The following TTN variants were observed in gnomAD, a reference collection of about 807,000 sequenced individuals.
TTN encodes titin.
In TTN, 1,525 loss-of-function variants were observed where a neutral mutation model predicts 3,223.0. That is an observed-to-expected ratio of 0.47 (90% CI 0.45 to 0.49). TTN has a LOEUF of 0.49. Among genes scored for constraint, TTN ranks in the 20% least tolerant of loss-of-function variants. The pLI, the probability that TTN is intolerant of heterozygous loss-of-function variation, is 0.00. For synonymous variants in TTN, 14,094 were observed against 15,161.0 expected (o/e 0.93, Z 5.17); for missense variants, 40,786 against 43,424.0 (o/e 0.94, Z 5.40).
rs775071824 is a variant in TTN, at chr2:178,782,200, C to A, written c.3380+12G>T. 4.0e-5 allele frequency: 64 copies of A among 1,613,800 alleles called. No individual in the cohort carries two copies. The highest frequency in any genetic ancestry group is 5.2e-5 in the Non-Finnish European group (61 of 1,179,842). ...AAGTCACAGAGAACTCTATATTCAG[C>A]CATCAAAATACCTGTATCCAGTGGT... On this transcript the variant is annotated intron_variant, in intron 20 of 362. Transcript: ENST00000589042.
At position 178,561,732 on chromosome 2, in the gene TTN, G is replaced by A. The variant is rs771002170; in HGVS notation, c.84400C>T (p.Arg28134Cys). The A allele has an allele frequency of 1.7e-5, 27 of 1,612,236 alleles. No individual in the cohort carries two copies. Among genetic ancestry groups the A allele is most frequent in the Admixed American group, 1.5e-4 (9 of 59,876 alleles). ...EYQFRVCAEN[R>C]YGKSSYSESS... ...TCACTGTAGGAGCTCTTTCCATAGC[G>A]GTTTTCTGCACAAACACGGAACTGA... is the stretch of plus-strand genomic sequence containing the variant. Residue 28134 changes from arginine (R) to cysteine (C), a missense_variant, in exon 326 of 363, where the codon CGC (arginine) becomes TGC (cysteine). Arg to Cys is a radical substitution (Grantham distance 180, BLOSUM62 -3). Transcript: ENST00000589042.
Position 178,720,856 on chromosome 2 carries a change from C to G in TTN, c.23098+65G>C, listed in dbSNP as rs185356914. The G allele has an allele frequency of 1.4e-4, 206 of 1,497,212 alleles. No homozygotes were observed. In the African/African-American group the frequency reaches 2.7e-3, roughly 20 times the overall value. 92.7% of individuals were successfully genotyped at this position (1,497,212 alleles called of 1,614,324 possible). A position where few individuals can be genotyped will look rare whatever the true frequency, so the allele number is the denominator to read the frequency against. On this transcript the variant is annotated intron_variant, in intron 79 of 362. Transcript: ENST00000589042. The stretch of plus-strand genomic sequence containing the variant: ...TTAATTATCCTTTTATTTTGGAACT[C>G]ATAACTTTGCTAAGAGCCCAAATCA...
chr2:178,764,385 T>G, intron 42 of TTN, 83 bp from the exon 43 acceptor site: 1 of 1,612,262 alleles, frequency 6.2e-7, no homozygotes. Context: ...TTATCTTAAT[T>G]TATTTCACTG....
chr2:178,615,899 G>T, intron 257 of TTN, 111 bp from the exon 258 acceptor site: 1 of 1,188,152 alleles, frequency 8.4e-7, no homozygotes, highest in Non-Finnish European at 1.1e-6. Flanking sequence ...GAATGCTAGG[G>T]ATTATTCTTA....
chr2:178,582,028 G>A lies in TTN; in HGVS notation c.66341C>T (p.Thr22114Ile), dbSNP rs1575927090. 1.9e-6 allele frequency: 3 copies of A among 1,613,296 alleles called. No homozygotes were observed. The East Asian group carries it at 6.7e-5, about 36-fold the overall frequency. The change falls in exon 315 of 363, where the codon ACA becomes ATA. Residue 22114 changes from threonine to isoleucine, a missense_variant. Transcript: ENST00000589042. ...TTCTTGAAGACCTGTTGCTTTTAAT[G>A]TTCTTTCTATAATAGGTTTTCTGTT... ...KVNRKPIIERTLKATGLQEGT... is the reference protein window; with the variant it reads ...KVNRKPIIERILKATGLQEGT...
In TTN at chr2:178,545,667, C is replaced by T. The variant is rs779953291; in HGVS notation, c.95443G>A (p.Glu31815Lys). 1.9e-6 allele frequency: 3 copies of T among 1,613,552 alleles called. No individual in the cohort carries two copies. Among genetic ancestry groups the T allele is most frequent in the South Asian group, 1.1e-5 (1 of 91,048 alleles). ...TGCTCTTTGCCAGTCCCAACTTCTT[C>T]AGGTATGCCGGGTGGTGATGGAATA... ...FTIPSPPGIP[E>K]EVGTGKEHII... The change falls in exon 344 of 363, where the codon GAA becomes AAA. Residue 31815 changes from glutamate to lysine, a missense_variant. Transcript: ENST00000589042.
chr2:178,589,008 G>C lies in TTN; in HGVS notation c.62717C>G (p.Thr20906Arg), dbSNP rs1386139408. Residue 20906 changes from threonine (T) to arginine (R), a missense_variant, in exon 304 of 363, where the codon ACA becomes AGA. Coordinates refer to ENST00000589042, the MANE Select transcript of TTN (RefSeq NM_001267550.2). ...ATAGGTAGACCAAACCATTCGCTTT[G>C]TCTCACATTTTTCTAGAATATAATT... ...IQNYILEKCE[T>R]KRMVWSTYSA... 1 of 1,611,288 alleles carries C rather than the reference G, an allele frequency of 6.2e-7. No individual in the cohort carries two copies. Among genetic ancestry groups the C allele is most frequent in the Non-Finnish European group, 8.5e-7 (1 of 1,179,358 alleles).
rs376586779 is a variant in TTN at position 178,572,821 on chromosome 2, A to G, written c.73311T>C (p.Val24437=). 1.9e-6 allele frequency: 3 copies of G among 1,613,230 alleles called. No individual in the cohort carries two copies. Among genetic ancestry groups the G allele is most frequent in the African/African-American group, 1.3e-5 (1 of 74,852 alleles). ...EIELDADLRK[V]VTIRACCTLR... ...GGGTGCAGCAGGCCCTTATAGTAAC[A>G]ACTTTGCGCAGGTCAGCATCCAGTT... is the stretch of plus-strand genomic sequence containing the variant. Residue 24437 remains valine, a synonymous_variant, in exon 326 of 363, where the codon GTT becomes GTC. Coordinates refer to ENST00000589042, the MANE Select transcript of TTN (RefSeq NM_001267550.2).
chr2:178,664,911 T>G lies in TTN; in HGVS notation c.36059A>C (p.Gln12020Pro). The G allele has an allele frequency of 5.6e-6, 9 of 1,609,428 alleles. No individual in the cohort carries two copies. The highest frequency in any genetic ancestry group is 6.8e-6 in the Non-Finnish European group (8 of 1,178,588). The change falls in exon 166 of 363, where the codon CAA (glutamine) becomes CCA (proline). Residue 12020 changes from glutamine (Q) to proline (P), a missense_variant. Transcript: ENST00000589042. ...TPRMKTPEAPQEIIPAKTVPS... is the reference protein window; with the variant it reads ...TPRMKTPEAPPEIIPAKTVPS... ...AACTGTCTTGGCAGGAATAATTTCT[T>G]GAGGAGCTTCGGGCGCTTGAAAGAT...
In TTN at chr2:178,565,820, G is replaced by A. The variant is rs567184856; in HGVS notation, c.80312C>T (p.Thr26771Ile). The A allele has an allele frequency of 1.2e-6, 2 of 1,613,608 alleles. No individual in the cohort carries two copies. Among genetic ancestry groups the A allele is most frequent in the South Asian group, 2.2e-5 (2 of 91,072 alleles). Residue 26771 changes from threonine (T) to isoleucine (I), a missense_variant, in exon 326 of 363, where the codon ACT becomes ATT. Thr to Ile is a moderately conservative substitution (Grantham distance 89, BLOSUM62 -1). Transcript: ENST00000589042. The part of the protein sequence containing the change: ...NEFGVGVPVE[T>I]VDAVKAAEPP... ...TTCAGCAGCTTTCACGGCATCAACA[G>A]TTTCCACTGGAACACCAACTCCAAA...
At chr2:178,724,203 A>T in intron 72 of TTN, 57 bp downstream of exon 72, 1 of 1,582,802 alleles carries the variant, frequency 6.3e-7, no homozygotes, top group Non-Finnish European at 8.6e-7. Flanking sequence ...GACTTGAAAG[A>T]AGGAAACTTG....
rs753993485 is a variant in TTN at position 178,530,624 on chromosome 2, G to T, written c.105991C>A (p.His35331Asn). 1 of 1,613,970 alleles carries T rather than the reference G, an allele frequency of 6.2e-7. No individual in the cohort carries two copies. Among genetic ancestry groups the T allele is most frequent in the Admixed American group, 1.7e-5 (1 of 60,012 alleles). Residue 35331 changes from histidine to asparagine, a missense_variant, in exon 358 of 363, where the codon CAT becomes AAT. Physicochemically the swap from His to Asn is moderately conservative, Grantham distance 68. Transcript: ENST00000589042. ...KDGKKLKENG[H>N]FQFHYSADGT... ...TCTGCTGAATAATGAAACTGGAAAT[G>T]CCCATTTTCCTTCAGTTTCTTGCCA... is the stretch of plus-strand genomic sequence containing the variant.
intron 6 of TTN, 77 bp downstream of exon 6, chr2:178,799,410 G>C: frequency 6.2e-6 from 10 of 1,608,150 alleles, no homozygotes; most frequent in Non-Finnish European, 8.5e-6. Context: ...CCCTGCGAGG[G>C]GGACAAGGGA....
chr2:178,619,133 A>C (rs2154210314), intron 250 of TTN: 1 of 459,970 alleles, frequency 2.2e-6, no homozygotes, highest in East Asian at 4.2e-5. Context: ...TGTAGTGCAA[A>C]ACATGTTTTG....
At chr2:178,528,022 T>C in intron 361 of TTN, 1 of 550,380 alleles carries the variant, frequency 1.8e-6, no homozygotes, top group South Asian at 3.2e-5. Flanking sequence ...TAGAAAGTAA[T>C]TGACATATTG....
intron 257 of TTN, 24 bp from the exon 258 acceptor site, chr2:178,615,812 T>C: frequency 6.3e-7 from 1 of 1,589,716 alleles, no homozygotes; most frequent in Non-Finnish European, 8.5e-7. Flanking sequence ...ATACAGTTAA[T>C]CAGTTATTTC....
At position 178,724,417 on chromosome 2, in the gene TTN, C is replaced by G. The variant is rs779709860; in HGVS notation, c.20958G>C (p.Lys6986Asn). The G allele has an allele frequency of 1.4e-5, 22 of 1,613,380 alleles. No individual in the cohort carries two copies. The highest frequency in any genetic ancestry group is 1.7e-5 in the Non-Finnish European group (20 of 1,179,576). ...ELSVEWYKDG[K>N]LLTSSQKHKF... is the part of the protein sequence containing the mutation. ...TGTGTTTTTGGCTGCTGGTCAACAG[C>G]TTTCCATCCTTGTACCATTCAACAG... Residue 6986 changes from lysine (K) to asparagine (N), a missense_variant, in exon 72 of 363, where the codon AAG becomes AAC. Coordinates refer to ENST00000589042, the MANE Select transcript of TTN (RefSeq NM_001267550.2).
chr2:178,800,670 G>A lies in TTN; in HGVS notation c.308C>T (p.Pro103Leu). Reference protein sequence around the residue: ...AELLVKAETAPPNFVQRLQSM... With the variant: ...AELLVKAETALPNFVQRLQSM... ...CTGCAGTCGTTGAACGAAGTTGGGT[G>A]GTGCTGTCTCAGCTGCGGGGACAAG... is the stretch of plus-strand genomic sequence containing the variant. The change falls in exon 4 of 363, where the codon CCA (proline) becomes CTA (leucine). Residue 103 changes from proline to leucine, a missense_variant. By Grantham distance (98) the Pro-to-Leu change is moderately conservative. Transcript: ENST00000589042. 1.2e-6 allele frequency: 2 copies of A among 1,608,514 alleles called. No individual in the cohort carries two copies. Among genetic ancestry groups the A allele is most frequent in the Non-Finnish European group, 1.7e-6 (2 of 1,177,210 alleles).
intron 43 of TTN, among the ~76,000 whole-genome samples, chr2:178,761,634 C>T (rs1460327947): frequency 3.3e-5 from 5 of 152,072 alleles, no homozygotes; most frequent in South Asian, 2.1e-4. Flanking sequence ...ATGATGAGTA[C>T]GTGGGCCTGT....
Sources: gnomAD v4.1 joint callset for allele counts (sites outside exome capture counted in the v4.1 genomes callset) on GRCh38, gnomAD v4.1.1 for gene constraint, MANE v1.5 for transcripts, NCBI Gene and HGNC (gene_info 2026-07-23, HGNC 2026-07-21) for gene names.